Variants in RANBP17 observed in about 807,000 individuals in gnomAD.
The protein encoded by RANBP17 is ran-binding protein 17.
A neutral mutation model predicts 141.2 loss-of-function variants in RANBP17; 158 were observed. The observed-to-expected ratio is 1.12, with a 90% CI of 0.98 to 1.28. The LOEUF is 1.28. Ranked by LOEUF, RANBP17 falls within the 50% of genes most tolerant of loss-of-function variation. RANBP17 has a pLI of 0.00. For missense variants in RANBP17, 1,438 were observed against 1,290.7 expected (o/e 1.11, Z -1.75); for synonymous variants, 430 against 450.0 (o/e 0.96, Z 0.56).
chr5:171,089,523 C>G (rs1459415154), intron 14 of RANBP17, among the ~76,000 whole-genome samples: 1 of 152,056 alleles, frequency 6.6e-6, no homozygotes, highest in Non-Finnish European at 1.5e-5. Context: ...TTTACCTAAG[C>G]AAGCCTGGGC....
intron 12 of RANBP17, among the ~76,000 whole-genome samples, chr5:170,927,930 G>T (rs986357044): frequency 2.0e-5 from 3 of 151,986 alleles, no homozygotes; most frequent in Admixed American, 2.0e-4. Context: ...TATGTTTAAT[G>T]TTGTAAGATA....
In RANBP17 at chr5:171,137,624, GTC is replaced by G. The variant is rs1315963801; in HGVS notation, c.1711-32504_1711-32503del. Reference sequence around the variant, plus strand: ...TGTGTGTCTGTGTGTGTGTGTGTGTGTCTGTGTGTGTGTGTATTCCCCTAATT... The same window carrying G: ...TGTGTGTCTGTGTGTGTGTGTGTGTGTGTGTGTGTGTGTATTCCCCTAATT... On this transcript the variant is annotated intron_variant, in intron 14 of 27. Transcript: ENST00000523189. Among the ~76,000 whole-genome samples the G allele has an allele frequency of 4.7e-5, 7 of 148,780 alleles. No homozygotes were observed. In the East Asian group the frequency reaches 1.2e-3, roughly 26 times the overall value.
intron 14 of RANBP17, among the ~76,000 whole-genome samples, chr5:171,149,040 C>T (rs1758286780): frequency 6.6e-6 from 1 of 152,202 alleles, no homozygotes; most frequent in Middle Eastern, 3.2e-3. Context: ...AGGCTGATTG[C>T]TGGTAAAGTA....
At chr5:171,037,047 T>TC (rs897277395) in intron 14 of RANBP17, among the ~76,000 whole-genome samples, 4 of 152,008 alleles carry the variant, frequency 2.6e-5, no homozygotes, top group South Asian at 2.1e-4. Flanking sequence ...TAATACATGT[T>TC]CCCCCCCAAC....
intron 18 of RANBP17, among the ~76,000 whole-genome samples, chr5:171,188,736 CCCACTATGTATCTGTGGT>C (rs1290474206): frequency 1.3e-5 from 2 of 152,140 alleles, no homozygotes; most frequent in African/African-American, 4.8e-5. Context: ...AGATAGGGAA[CCCACTATGTATCTGTGGT>C]AGGTTAAACA....
chr5:171,170,435 G>A (rs976512880), intron 15 of RANBP17, among the ~76,000 whole-genome samples: 2 of 152,076 alleles, frequency 1.3e-5, no homozygotes, highest in Non-Finnish European at 2.9e-5. Context: ...GCAGCGTGCA[G>A]CATCAGATGA....
At chr5:170,867,420 A>C (rs999708677) in intron 1 of RANBP17, among the ~76,000 whole-genome samples, 7 of 152,228 alleles carry the variant, frequency 4.6e-5, no homozygotes, top group African/African-American at 1.2e-4. Context: ...ACTTTTGTAA[A>C]CTATAAAGCA....
intron 22 of RANBP17, among the ~76,000 whole-genome samples, chr5:171,226,782 C>A (rs907606559): frequency 6.6e-6 from 1 of 152,158 alleles, no homozygotes; most frequent in African/African-American, 2.4e-5. Flanking sequence ...AAAAAAGAGG[C>A]TGAAAATCAC....
chr5:170,984,636 A>C (rs1331358031), intron 14 of RANBP17, among the ~76,000 whole-genome samples: 1 of 152,118 alleles, frequency 6.6e-6, no homozygotes, highest in African/African-American at 2.4e-5. Flanking sequence ...AAAAAACAAA[A>C]ACAAAAAAAA....
intron 14 of RANBP17, among the ~76,000 whole-genome samples, chr5:171,152,750 T>C (rs1209102490): frequency 6.6e-6 from 1 of 152,200 alleles, no homozygotes; most frequent in African/African-American, 2.4e-5. Flanking sequence ...TAAAACTTAA[T>C]AATGGCAATG....
chr5:171,007,341 CTG>C, intron 14 of RANBP17, among the ~76,000 whole-genome samples: 1 of 143,878 alleles, frequency 7.0e-6, no homozygotes, highest in East Asian at 2.1e-4. Flanking sequence ...CAGAAAGAAA[CTG>C]TAAACCAGAC....
chr5:171,206,671 A>G (rs957601802), intron 20 of RANBP17: 21 of 179,416 alleles, frequency 1.2e-4, no homozygotes, highest in Non-Finnish European at 2.3e-4. Flanking sequence ...GTAACTGTCA[A>G]CTACTATGCC....
intron 13 of RANBP17, among the ~76,000 whole-genome samples, chr5:170,959,668 A>G (rs1331671881): frequency 2.6e-5 from 4 of 152,246 alleles, no homozygotes. Flanking sequence ...TTGATAACAT[A>G]AACAGTCAAT....
At position 171,295,608 on chromosome 5, in the gene RANBP17, T is replaced by C. The variant is rs185098088; in HGVS notation, c.3043-279T>C. Among the ~76,000 whole-genome samples, 556 of 151,974 alleles carry C rather than the reference T, an allele frequency of 3.7e-3. 3 individuals are homozygous for C. The highest frequency in any genetic ancestry group is 0.013 in the African/African-American group (537 of 41,412). ...AGAGTCAGGAAAAGCATGCATTCAGTCCCCCACAGAGGAGGCAAGGACTTC... is the reference window on the plus strand; with the variant it reads ...AGAGTCAGGAAAAGCATGCATTCAGCCCCCCACAGAGGAGGCAAGGACTTC... On this transcript the variant is annotated intron_variant, in intron 26 of 27. Coordinates refer to ENST00000523189, the MANE Select transcript of RANBP17 (RefSeq NM_022897.5).
intron 5 of RANBP17, among the ~76,000 whole-genome samples, chr5:170,898,779 C>A (rs990494882): frequency 1.3e-5 from 2 of 152,158 alleles, no homozygotes; most frequent in African/African-American, 2.4e-5. Context: ...AATAGGGAAT[C>A]ATTTCCCCAT....
At chr5:171,053,916 TATATATATAA>T (rs1561596625) in intron 14 of RANBP17, among the ~76,000 whole-genome samples, 5 of 112,650 alleles carry the variant, frequency 4.4e-5, no homozygotes, top group East Asian at 2.8e-4. Context: ...TATATATATA[TATATATATAA>T]TTGCTGTATT....
At chr5:171,233,103 G>T (rs953978084) in intron 22 of RANBP17, among the ~76,000 whole-genome samples, 2 of 152,284 alleles carry the variant, frequency 1.3e-5, no homozygotes, top group African/African-American at 4.8e-5. Context: ...CACTTTGGGA[G>T]GCTGATGCAG....
chr5:170,991,645 G>T (rs1241558821), intron 14 of RANBP17, among the ~76,000 whole-genome samples: 1 of 151,846 alleles, frequency 6.6e-6, no homozygotes, highest in East Asian at 1.9e-4. Flanking sequence ...ACTACCCCTG[G>T]GAAATCTCAT....
chr5:170,934,164 C>T lies in RANBP17; in HGVS notation c.1468+9614C>T, dbSNP rs549753966. ...TGCTGAATTGATCCCTTTACCATTA[C>T]GTAATGCCCTTCTTTGTCTCTTTTG... On this transcript the variant is annotated intron_variant, in intron 12 of 27. Coordinates refer to ENST00000523189, the MANE Select transcript of RANBP17 (RefSeq NM_022897.5). Among the ~76,000 whole-genome samples the T allele has an allele frequency of 9.9e-5, 15 of 152,196 alleles. No individual in the cohort carries two copies. In the South Asian group the frequency reaches 2.5e-3, roughly 25 times the overall value.
Sources: allele counts gnomAD v4.1 joint callset (sites outside exome capture counted in the v4.1 genomes callset), GRCh38; gene constraint gnomAD v4.1.1; transcripts MANE v1.5; gene names NCBI Gene and HGNC (gene_info 2026-07-23, HGNC 2026-07-21).